The following PIK3AP1 variants were observed in gnomAD, a reference collection of about 807,000 sequenced individuals.
The protein encoded by PIK3AP1 is phosphoinositide-3-kinase adaptor protein 1.
Under a neutral mutation model 88.1 loss-of-function variants are expected in PIK3AP1, and 21 were observed. That is an observed-to-expected ratio of 0.24 (90% CI 0.17 to 0.34). The LOEUF (loss-of-function observed/expected upper bound fraction) is 0.34. PIK3AP1 is among the 10% of genes least tolerant of loss of function. The pLI, the probability that PIK3AP1 is intolerant of heterozygous loss-of-function variation, is 1.00. For synonymous variants in PIK3AP1, 398 were observed against 400.0 expected (o/e 1.00, Z 0.06); for missense variants, 828 against 1,035.7 (o/e 0.80, Z 2.75).
intron 8 of PIK3AP1, among the ~76,000 whole-genome samples, chr10:96,638,650 C>T (rs920990445): frequency 6.6e-6 from 1 of 152,214 alleles, no homozygotes. Flanking sequence ...CTGGCAAGCA[C>T]AAAGACCCTC....
At chr10:96,646,962 C>T (rs1444926309) in intron 7 of PIK3AP1, among the ~76,000 whole-genome samples, 1 of 152,166 alleles carries the variant, frequency 6.6e-6, no homozygotes, top group East Asian at 1.9e-4. Flanking sequence ...TCGTTAGTTT[C>T]CTCACGAGAC....
At position 96,645,685 on chromosome 10, in the gene PIK3AP1, C is replaced by T. The variant is rs184817206; in HGVS notation, c.1186-23G>A. 1,635 of 1,566,316 alleles carry T rather than the reference C, an allele frequency of 1.0e-3. 3 individuals carry two copies. Among genetic ancestry groups the T allele is most frequent in the Non-Finnish European group, 1.3e-3 (1,471 of 1,157,308 alleles). Reference sequence around the variant, plus strand: ...TTCCTGAAAGAGAAGATGAGGCCCACGGCGCCCTGAGGCAGCCTGACTTTC... The same window carrying T: ...TTCCTGAAAGAGAAGATGAGGCCCATGGCGCCCTGAGGCAGCCTGACTTTC... On this transcript the variant is annotated intron_variant, in intron 7 of 16. Transcript: ENST00000339364.
At chr10:96,659,361 C>A (rs1388397174) in intron 2 of PIK3AP1, among the ~76,000 whole-genome samples, 1 of 152,096 alleles carries the variant, frequency 6.6e-6, no homozygotes, top group Non-Finnish European at 1.5e-5. Context: ...CAAACTCTTA[C>A]CAATTACCTA....
intron 16 of PIK3AP1, among the ~76,000 whole-genome samples, chr10:96,597,220 G>A (rs1451476638): frequency 1.3e-5 from 2 of 151,938 alleles, no homozygotes; most frequent in African/African-American, 4.8e-5. Flanking sequence ...TTTTACCTGA[G>A]CAAATTTAGC....
intron 8 of PIK3AP1, among the ~76,000 whole-genome samples, chr10:96,643,122 TA>T (rs1843413414): frequency 6.6e-6 from 1 of 152,092 alleles, no homozygotes; most frequent in Non-Finnish European, 1.5e-5. Context: ...CAGACATGCT[TA>T]TTAGGTATAT....
At chr10:96,653,649 G>A (rs965155273) in intron 3 of PIK3AP1, among the ~76,000 whole-genome samples, 1 of 151,510 alleles carries the variant, frequency 6.6e-6, no homozygotes, top group African/African-American at 2.4e-5. Context: ...CACCACACCC[G>A]GCAAATTTTT....
chr10:96,695,735 T>A (rs1013270810), intron 2 of PIK3AP1, among the ~76,000 whole-genome samples: 3 of 151,376 alleles, frequency 2.0e-5, no homozygotes, highest in African/African-American at 7.3e-5. Context: ...GCCTCACTTT[T>A]ATGCTCTCCT....
chr10:96,655,832 T>C (rs1346211803), intron 3 of PIK3AP1, among the ~76,000 whole-genome samples: 1 of 152,246 alleles, frequency 6.6e-6, no homozygotes, highest in African/African-American at 2.4e-5. Context: ...CTTAGCCATG[T>C]AGAACAGTAA....
intron 2 of PIK3AP1, among the ~76,000 whole-genome samples, chr10:96,687,996 G>C (rs1355664193): frequency 6.6e-6 from 1 of 152,152 alleles, no homozygotes; most frequent in Non-Finnish European, 1.5e-5. Context: ...AAATCTGATG[G>C]GGAGGCATGA....
At chr10:96,690,332 A>G (rs1047960551) in intron 2 of PIK3AP1, among the ~76,000 whole-genome samples, 4 of 152,124 alleles carry the variant, frequency 2.6e-5, no homozygotes, top group Non-Finnish European at 5.9e-5. Flanking sequence ...GTGCAATCAC[A>G]GCTCACTGCA....
At chr10:96,643,810 C>A (rs1483894878) in intron 8 of PIK3AP1, among the ~76,000 whole-genome samples, 1 of 152,176 alleles carries the variant, frequency 6.6e-6, no homozygotes, top group Non-Finnish European at 1.5e-5. Flanking sequence ...GGGCCCAGGG[C>A]CCTACTGTCT....
At chr10:96,688,944 A>G (rs1055246801) in intron 2 of PIK3AP1, among the ~76,000 whole-genome samples, 7 of 151,996 alleles carry the variant, frequency 4.6e-5, no homozygotes, top group African/African-American at 1.7e-4. Flanking sequence ...TCTACATCCA[A>G]CCGACTAAAG....
At chr10:96,645,129 C>T (rs116514953) in intron 8 of PIK3AP1, among the ~76,000 whole-genome samples, 2,423 of 152,176 alleles carry the variant, frequency 0.016, 73 homozygotes, top group African/African-American at 0.053. Flanking sequence ...AATACATAAA[C>T]CTCATGTCAG....
intron 16 of PIK3AP1, among the ~76,000 whole-genome samples, chr10:96,598,468 C>G (rs1005614471): frequency 6.6e-6 from 1 of 152,052 alleles, no homozygotes; most frequent in Non-Finnish European, 1.5e-5. Context: ...CAGTACCAAT[C>G]TATCCTTCCA....
intron 8 of PIK3AP1, chr10:96,633,179 T>G: frequency 8.4e-7 from 1 of 1,195,304 alleles, no homozygotes; most frequent in Non-Finnish European, 1.1e-6. Context: ...CCCTTTCAAG[T>G]ATTTCTAGTT....
intron 2 of PIK3AP1, among the ~76,000 whole-genome samples, chr10:96,661,472 T>C (rs2134243407): frequency 6.6e-6 from 1 of 152,292 alleles, no homozygotes; most frequent in East Asian, 1.9e-4. Flanking sequence ...TCAATGTAGA[T>C]TCATCAGTGG....
In PIK3AP1 at chr10:96,671,479, A is replaced by C. The variant is rs888243236; in HGVS notation, c.431-14545T>G. Among the ~76,000 whole-genome samples, 3 of 152,128 alleles carry C rather than the reference A, an allele frequency of 2.0e-5. 1 individual carries two copies. Among genetic ancestry groups the C allele is most frequent in the Non-Finnish European group, 4.4e-5 (3 of 68,016 alleles). On this transcript the variant is annotated intron_variant, in intron 2 of 16. Transcript: ENST00000339364. ...AGAGAGTGACAGGTATACCCAACCC[A>C]CAAGTCACCAGCTACCCCCAAAGTC...
Position 96,595,541 on chromosome 10 carries a change from T to TA in PIK3AP1, c.*35dup. 6.3e-7 allele frequency: 1 copy of TA among 1,596,144 alleles called. No homozygotes were observed. Among genetic ancestry groups the TA allele is most frequent in the Non-Finnish European group, 8.6e-7 (1 of 1,164,308 alleles). The stretch of plus-strand genomic sequence containing the variant: ...TTAACAGGCTGAAGACTGTGAGTCT[T>TA]AAAGTCCTGAAGTAGGCAGGTTTTA... On this transcript the variant is annotated 3_prime_UTR_variant, in exon 17 of 17. Transcript: ENST00000339364.
At position 96,617,746 on chromosome 10, in the gene PIK3AP1, G is replaced by A. The variant is rs117762793; in HGVS notation, c.1942-1035C>T. On this transcript the variant is annotated intron_variant, in intron 12 of 16. Transcript: ENST00000339364. ...CTGGGTGAGCGGAAGCACGGGAGAA[G>A]GCCAAAGAGACTCTGAGGTCTGATC... is the stretch of plus-strand genomic sequence containing the variant. Among the ~76,000 whole-genome samples, 65 of 152,316 alleles carry A rather than the reference G, an allele frequency of 4.3e-4. No individual in the cohort carries two copies. The East Asian group carries it at 6.8e-3, about 16-fold the overall frequency.
Sources: allele counts gnomAD v4.1 joint callset (sites outside exome capture counted in the v4.1 genomes callset), GRCh38; gene constraint gnomAD v4.1.1; transcripts MANE v1.5; gene names NCBI Gene and HGNC (gene_info 2026-07-23, HGNC 2026-07-21).